Variants in FOXP2 observed in about 807,000 individuals in gnomAD.
FOXP2 encodes forkhead box P2, also known as forkhead box protein P2.
FOXP2 carries 12 observed loss-of-function variants against 115.8 expected under a neutral mutation model. The ratio of observed to expected loss-of-function variants is 0.10; its 90% CI spans 0.07 to 0.17. The LOEUF is 0.17. Ranked by LOEUF, FOXP2 falls within the 10% of genes least tolerant of loss-of-function variation. The probability of loss-of-function intolerance (pLI) is 1.00; values close to 1 mark genes in which losing one functional copy is unlikely to be tolerated. For missense variants in FOXP2, 629 were observed against 843.5 expected, an observed-to-expected ratio of 0.75 and a Z score of 3.15; for synonymous variants, 328 against 297.7, an observed-to-expected ratio of 1.10 and a Z score of -1.05.
chr7:114,284,205 C>T (rs1270855113), intron 1 of FOXP2, among the ~76,000 whole-genome samples: 1 of 151,804 alleles, frequency 6.6e-6, no homozygotes, highest in Admixed American at 6.6e-5. Flanking sequence ...TTCACTCAGG[C>T]AGAGTTATCT....
At chr7:114,512,420 A>G (rs1306658182) in intron 2 of FOXP2, among the ~76,000 whole-genome samples, 2 of 152,202 alleles carry the variant, frequency 1.3e-5, no homozygotes, top group East Asian at 3.9e-4. Context: ...CTTAAGTAAT[A>G]CTAACAGAGT....
At chr7:114,588,023 T>A (rs1486111522) in intron 3 of FOXP2, among the ~76,000 whole-genome samples, 1 of 151,540 alleles carries the variant, frequency 6.6e-6, no homozygotes, top group African/African-American at 2.4e-5. Context: ...TAAAAAATAC[T>A]TTAAGGCCGG....
chr7:114,334,620 G>C (rs1797796100), intron 2 of FOXP2, among the ~76,000 whole-genome samples: 1 of 133,534 alleles, frequency 7.5e-6, no homozygotes, highest in Admixed American at 8.2e-5. Flanking sequence ...CCCTTTACTG[G>C]AGATTAAAAA....
At chr7:114,154,935 A>G (rs1473558140) in intron 1 of FOXP2, among the ~76,000 whole-genome samples, 1 of 152,126 alleles carries the variant, frequency 6.6e-6, no homozygotes, top group Non-Finnish European at 1.5e-5. Flanking sequence ...CAGTTAGAAG[A>G]TCCTTATCAT....
chr7:114,429,535 A>G (rs1001170345), intron 2 of FOXP2, among the ~76,000 whole-genome samples: 7 of 151,566 alleles, frequency 4.6e-5, no homozygotes, highest in Non-Finnish European at 3.0e-5. Flanking sequence ...ATTATTCTGC[A>G]TTAGATGTAG....
At chr7:114,574,842 T>A (rs985660505) in intron 3 of FOXP2, among the ~76,000 whole-genome samples, 2 of 151,902 alleles carry the variant, frequency 1.3e-5, no homozygotes, top group African/African-American at 4.8e-5. Context: ...GAACAAAATG[T>A]CTTGTACCTA....
At chr7:114,636,875 T>C (rs1196763756) in intron 6 of FOXP2, among the ~76,000 whole-genome samples, 1 of 152,086 alleles carries the variant, frequency 6.6e-6, no homozygotes, top group Non-Finnish European at 1.5e-5. Flanking sequence ...GAATATGGGA[T>C]TAAGGAATTA....
chr7:114,353,503 A>G (rs1212010980), intron 2 of FOXP2, among the ~76,000 whole-genome samples: 1 of 151,940 alleles, frequency 6.6e-6, no homozygotes, highest in Non-Finnish European at 1.5e-5. Flanking sequence ...CTTTTCCATT[A>G]TGAAAGCAGA....
intron 2 of FOXP2, among the ~76,000 whole-genome samples, chr7:114,431,073 C>T (rs1355598559): frequency 1.3e-5 from 2 of 151,764 alleles, no homozygotes; most frequent in African/African-American, 4.8e-5. Context: ...TTCTTAAGTT[C>T]CATTCACTAT....
intron 3 of FOXP2, chr7:114,570,986 T>C (rs772994718): frequency 1.8e-5 from 17 of 927,020 alleles, no homozygotes; most frequent in Middle Eastern, 2.1e-4. Flanking sequence ...ATCCCTTCCA[T>C]TGGTGCAGAT....
chr7:114,477,683 GATAC>G (rs1796341865), intron 2 of FOXP2, among the ~76,000 whole-genome samples: 1 of 151,598 alleles, frequency 6.6e-6, no homozygotes, highest in African/African-American at 2.4e-5. Context: ...AATATAAACT[GATAC>G]ATATATATAT....
intron 1 of FOXP2, among the ~76,000 whole-genome samples, chr7:114,286,755 T>C (rs1796476696): frequency 6.6e-6 from 1 of 151,964 alleles, no homozygotes. Context: ...TAAACAGTGG[T>C]TTCGGATTAT....
Position 114,369,436 on chromosome 7 carries a change from C to T in FOXP2, c.-10-57066C>T, listed in dbSNP as rs543779014. ...TTCTGTTCAATCTACTTGGAGTATA[C>T]CTCCTGATCGTAAATGCTGAATCCA... On this transcript the variant is annotated intron_variant, in intron 2 of 17. Transcript: ENST00000634411. Among the ~76,000 whole-genome samples the T allele has an allele frequency of 2.0e-5, 3 of 152,158 alleles. No homozygotes were observed. In the South Asian group the frequency reaches 6.2e-4, roughly 32 times the overall value.
intron 1 of FOXP2, among the ~76,000 whole-genome samples, chr7:114,169,438 G>A (rs943116577): frequency 6.6e-6 from 1 of 152,196 alleles, no homozygotes; most frequent in African/African-American, 2.4e-5. Context: ...AGAATTGCAT[G>A]GGCCCTGTAT....
intron 2 of FOXP2, among the ~76,000 whole-genome samples, chr7:114,438,883 C>T (rs1308862650): frequency 6.6e-6 from 1 of 152,068 alleles, no homozygotes. Flanking sequence ...CAATGACTGC[C>T]AGAGTATTAG....
At chr7:114,252,197 A>AT (rs796220000) in intron 1 of FOXP2, among the ~76,000 whole-genome samples, 18 of 151,836 alleles carry the variant, frequency 1.2e-4, no homozygotes, top group East Asian at 3.9e-4. Flanking sequence ...GTTTGCCAGT[A>AT]TTTTTTTTGA....
At chr7:114,555,079 C>CT (rs1194854912) in intron 3 of FOXP2, among the ~76,000 whole-genome samples, 1 of 152,220 alleles carries the variant, frequency 6.6e-6, no homozygotes, top group African/African-American at 2.4e-5. Context: ...GTTCCCATTA[C>CT]TTTTTTAATA....
intron 3 of FOXP2, among the ~76,000 whole-genome samples, chr7:114,581,858 T>C (rs913676151): frequency 2.0e-5 from 3 of 152,300 alleles, no homozygotes; most frequent in Admixed American, 1.3e-4. Context: ...GAAATGTGGG[T>C]TTAAGACTGT....
chr7:114,204,971 C>G (rs1386724628), intron 1 of FOXP2, among the ~76,000 whole-genome samples: 1 of 150,498 alleles, frequency 6.6e-6, no homozygotes, highest in African/African-American at 2.4e-5. Flanking sequence ...TCGCCCAGAT[C>G]AGAATTTTAT....
Sources: gnomAD v4.1 joint callset for allele counts (sites outside exome capture counted in the v4.1 genomes callset) on GRCh38, gnomAD v4.1.1 for gene constraint, MANE v1.5 for transcripts, NCBI Gene and HGNC (gene_info 2026-07-23, HGNC 2026-07-21) for gene names.